GABRB3: variants seen among roughly 807,000 people sequenced by gnomAD.
GABRB3 encodes gamma-aminobutyric acid receptor subunit beta-3.
A neutral mutation model predicts 52.1 loss-of-function variants in GABRB3; 14 were observed. The ratio of observed to expected loss-of-function variants is 0.27; its 90% CI spans 0.18 to 0.42. The LOEUF (loss-of-function observed/expected upper bound fraction) is 0.42. Ranked by LOEUF, GABRB3 falls within the 10% of genes least tolerant of loss-of-function variation. GABRB3 has a pLI of 1.00. For missense variants in GABRB3, 307 were observed against 609.1 expected, an observed-to-expected ratio of 0.50 and a Z score of 5.22; for synonymous variants, 260 against 232.3, an observed-to-expected ratio of 1.12 and a Z score of -1.08.
chr15:26,757,749 T>A (rs1890702498), intron 3 of GABRB3, among the ~76,000 whole-genome samples: 2 of 152,190 alleles, frequency 1.3e-5, no homozygotes, highest in South Asian at 4.2e-4. Context: ...AAGTTCACTG[T>A]TTTGCCTCCT....
intron 3 of GABRB3, among the ~76,000 whole-genome samples, chr15:26,722,186 C>T (rs540459142): frequency 1.3e-5 from 2 of 152,112 alleles, no homozygotes; most frequent in African/African-American, 2.4e-5. Flanking sequence ...ATTAGAACAA[C>T]CCGGAGAGCT....
chr15:26,658,959 G>T (rs1371462777), intron 3 of GABRB3, among the ~76,000 whole-genome samples: 3 of 152,204 alleles, frequency 2.0e-5, no homozygotes, highest in African/African-American at 4.8e-5. Flanking sequence ...TGATCAAATT[G>T]TTCCTACAAG....
intron 3 of GABRB3, among the ~76,000 whole-genome samples, chr15:26,756,280 A>G (rs1195022857): frequency 6.6e-6 from 1 of 151,984 alleles, no homozygotes; most frequent in Non-Finnish European, 1.5e-5. Flanking sequence ...ATTTAAATAT[A>G]CAGAACAGGC....
chr15:26,628,530 A>G (rs1285927610), intron 3 of GABRB3, among the ~76,000 whole-genome samples: 4 of 152,356 alleles, frequency 2.6e-5, no homozygotes, highest in East Asian at 3.9e-4. Flanking sequence ...ATTCTTGGAA[A>G]AACAACCATC....
intron 6 of GABRB3, among the ~76,000 whole-genome samples, chr15:26,570,478 T>G (rs1890354678): frequency 1.3e-5 from 2 of 152,240 alleles, no homozygotes; most frequent in African/African-American, 2.4e-5. Context: ...TGATGCTCAC[T>G]GTCATGCCAC....
chr15:26,669,422 G>C (rs1341892322), intron 3 of GABRB3, among the ~76,000 whole-genome samples: 2 of 152,154 alleles, frequency 1.3e-5, no homozygotes, highest in African/African-American at 4.8e-5. Context: ...AATCATATAA[G>C]CTGTCCAAAG....
chr15:26,732,026 G>C (rs11631129), intron 3 of GABRB3, among the ~76,000 whole-genome samples: 11,352 of 152,234 alleles, frequency 0.075, 497 homozygotes, highest in Middle Eastern at 0.16. Flanking sequence ...TGGTTGGATG[G>C]ATGGATGGGC....
At chr15:26,614,221 A>C (rs1595483443) in intron 4 of GABRB3, 1 of 152,320 alleles carries the variant, frequency 6.6e-6, no homozygotes, top group Non-Finnish European at 1.5e-5. Flanking sequence ...GCAAAGATGA[A>C]GTTTCTGTGT....
intron 3 of GABRB3, chr15:26,624,442 C>T: frequency 1.0e-6 from 1 of 985,496 alleles, no homozygotes; most frequent in South Asian, 4.7e-5. Context: ...GATGGGCTCG[C>T]ACATGGCTTG....
At chr15:26,608,038 T>A (rs1891906462) in intron 4 of GABRB3, among the ~76,000 whole-genome samples, 1 of 148,942 alleles carries the variant, frequency 6.7e-6, no homozygotes, top group African/African-American at 2.5e-5. Context: ...AAGCTGGAGG[T>A]ATCACACTAC....
intron 3 of GABRB3, among the ~76,000 whole-genome samples, chr15:26,641,703 C>A (rs1893206333): frequency 6.6e-6 from 1 of 152,166 alleles, no homozygotes; most frequent in Non-Finnish European, 1.5e-5. Context: ...TGGGCCATGG[C>A]CAGATGCCCC....
intron 4 of GABRB3, among the ~76,000 whole-genome samples, chr15:26,609,111 C>T (rs1049422165): frequency 2.7e-3 from 187 of 68,492 alleles, no homozygotes; most frequent in South Asian, 0.023. Context: ...CATACACACA[C>T]ACACACACAC....
chr15:26,750,593 AATTAAG>A (rs1890477791), intron 3 of GABRB3, among the ~76,000 whole-genome samples: 3 of 152,220 alleles, frequency 2.0e-5, no homozygotes, highest in African/African-American at 7.2e-5. Flanking sequence ...GAGACAAGTG[AATTAAG>A]ATTAACTAAA....
rs1431791533 is a variant in GABRB3 at position 26,732,277 on chromosome 15, AATAGATGGATGG to A, written c.240+40113_240+40124del. 2.8e-4 allele frequency among the ~76,000 whole-genome samples: 31 copies of A among 109,140 alleles called. No individual in the cohort carries two copies. The South Asian group carries it at 8.5e-3, about 30-fold the overall frequency. 71.6% of individuals were successfully genotyped at this position (109,140 alleles called of 152,430 possible). A position where few individuals can be genotyped will look rare whatever the true frequency, so the allele number is the denominator to read the frequency against. On this transcript the variant is annotated intron_variant, in intron 3 of 8. Coordinates refer to ENST00000311550, the MANE Select transcript of GABRB3 (RefSeq NM_000814.6). ...GAATAGATGGATGGATGGATGGATG[AATAGATGGATGG>A]ATAGATGGATGGATGGATGGATGGA... is the stretch of plus-strand genomic sequence containing the variant.
intron 4 of GABRB3, among the ~76,000 whole-genome samples, chr15:26,591,250 C>T (rs1000449558): frequency 2.0e-5 from 3 of 152,212 alleles, no homozygotes; most frequent in Admixed American, 1.3e-4. Context: ...AATAGATAAC[C>T]GATACGATAG....
At chr15:26,698,872 C>T (rs1888833914) in intron 3 of GABRB3, among the ~76,000 whole-genome samples, 1 of 152,176 alleles carries the variant, frequency 6.6e-6, no homozygotes, top group South Asian at 2.1e-4. Flanking sequence ...AAATCTAATT[C>T]ATCAACTAAA....
chr15:26,591,758 A>C (rs1016591926), intron 4 of GABRB3, among the ~76,000 whole-genome samples: 20 of 152,216 alleles, frequency 1.3e-4, no homozygotes, highest in Non-Finnish European at 2.9e-4. Context: ...GGGGTTTCAC[A>C]ATCTAGAACT....
intron 3 of GABRB3, among the ~76,000 whole-genome samples, chr15:26,721,604 T>C (rs1889645685): frequency 6.6e-6 from 1 of 151,698 alleles, no homozygotes; most frequent in African/African-American, 2.4e-5. Flanking sequence ...GTTTTTCTCT[T>C]GTTGATCTGT....
chr15:26,666,956 G>T (rs1312468044), intron 3 of GABRB3, among the ~76,000 whole-genome samples: 1 of 152,080 alleles, frequency 6.6e-6, no homozygotes, highest in African/African-American at 2.4e-5. Flanking sequence ...GAGGCAAGGA[G>T]TTATCCATCC....
Sources: gnomAD v4.1 joint callset for allele counts (sites outside exome capture counted in the v4.1 genomes callset) on GRCh38, gnomAD v4.1.1 for gene constraint, MANE v1.5 for transcripts, NCBI Gene and HGNC (gene_info 2026-07-23, HGNC 2026-07-21) for gene names.